RARS2: variants seen among roughly 807,000 people sequenced by gnomAD.
The protein encoded by RARS2 is arginyl-tRNA synthetase 2, mitochondrial.
RARS2 carries 67 observed loss-of-function variants against 88.5 expected under a neutral mutation model. The observed-to-expected ratio is 0.76, with a 90% CI of 0.62 to 0.93. The LOEUF (loss-of-function observed/expected upper bound fraction) is 0.93, where lower values mean the gene tolerates loss of function less well. Ranked by LOEUF, RARS2 falls within the 40% of genes least tolerant of loss-of-function variation. The pLI, the probability that RARS2 is intolerant of heterozygous loss-of-function variation, is 0.00. For missense variants in RARS2, 664 were observed against 684.2 expected (o/e 0.97, Z 0.33); for synonymous variants, 239 against 230.3 (o/e 1.04, Z -0.34).
intron 2 of RARS2, chr6:87,564,650 CAA>C (rs1562219416): frequency 3.6e-6 from 1 of 281,654 alleles, no homozygotes; most frequent in Admixed American, 4.8e-5. Flanking sequence ...GCCTGGGTGA[CAA>C]GAGCGAAACT....
intron 7 of RARS2, among the ~76,000 whole-genome samples, chr6:87,542,437 T>C (rs751148858): frequency 6.6e-6 from 1 of 152,186 alleles, no homozygotes; most frequent in Non-Finnish European, 1.5e-5. Flanking sequence ...CTTTTTAAAC[T>C]TGTAGGCATT....
At chr6:87,533,874 C>T (rs1054235845) in intron 8 of RARS2, among the ~76,000 whole-genome samples, 3 of 152,150 alleles carry the variant, frequency 2.0e-5, no homozygotes, top group African/African-American at 7.2e-5. Flanking sequence ...GCCACATGGG[C>T]ACAGTTTAAC....
chr6:87,521,537 G>A lies in RARS2; in HGVS notation c.975-13C>T, dbSNP rs373210619. On this transcript the variant is annotated splice_polypyrimidine_tract_variant and intron_variant, in intron 11 of 19. Transcript: ENST00000369536. ...AGCTGCAAGATCTCTGAAACAAAGT[G>A]GCCATAAACCAAGAGTTACTAAGCA... 4.4e-6 allele frequency: 7 copies of A among 1,609,190 alleles called. No homozygotes were observed. In the African/African-American group the frequency reaches 9.4e-5, roughly 22 times the overall value.
intron 8 of RARS2, among the ~76,000 whole-genome samples, chr6:87,532,211 T>A (rs1265550163): frequency 1.3e-5 from 2 of 151,032 alleles, no homozygotes; most frequent in Non-Finnish European, 2.9e-5. Context: ...AAGTTAAAAT[T>A]ACCTTTTTTT....
chr6:87,586,478 C>G (rs927433254), intron 1 of RARS2, among the ~76,000 whole-genome samples: 2 of 152,200 alleles, frequency 1.3e-5, no homozygotes, highest in African/African-American at 4.8e-5. Flanking sequence ...TTGTCTGACC[C>G]TTAGGAGCTT....
intron 10 of RARS2, among the ~76,000 whole-genome samples, chr6:87,526,403 G>C (rs1775719469): frequency 6.6e-6 from 1 of 152,024 alleles, no homozygotes. Flanking sequence ...TGTAATCCCA[G>C]CTACTTGGGA....
At position 87,530,945 on chromosome 6, in the gene RARS2, A is replaced by C. The variant is rs1777328886; in HGVS notation, c.613-3T>G. The C allele has an allele frequency of 6.2e-7, 1 of 1,613,914 alleles. No homozygotes were observed. Among genetic ancestry groups the C allele is most frequent in the South Asian group, 1.1e-5 (1 of 91,094 alleles). On this transcript the variant is annotated splice_polypyrimidine_tract_variant and splice_region_variant and intron_variant, in intron 8 of 19. Transcript: ENST00000369536. Reference sequence around the variant, plus strand: ...TCTTTATTAACTTGTACATAAACCTAAAAGTACAATAGTACATTAAATGAA... The same window carrying C: ...TCTTTATTAACTTGTACATAAACCTCAAAGTACAATAGTACATTAAATGAA...
chr6:87,587,480 T>C (rs1208317782), intron 1 of RARS2, among the ~76,000 whole-genome samples: 1 of 152,228 alleles, frequency 6.6e-6, no homozygotes, highest in Non-Finnish European at 1.5e-5. Flanking sequence ...TACACTGCTG[T>C]ATAAATCCAT....
chr6:87,575,072 T>TAG (rs5878037), intron 1 of RARS2, among the ~76,000 whole-genome samples: 92,173 of 151,514 alleles, frequency 0.61, 28,846 homozygotes, highest in African/African-American at 0.75. Context: ...GTCATAAGGA[T>TAG]AGAGACAAAA....
chr6:87,533,966 A>G (rs572342735), intron 8 of RARS2, among the ~76,000 whole-genome samples: 1 of 152,336 alleles, frequency 6.6e-6, no homozygotes, highest in African/African-American at 2.4e-5. Context: ...ATGGTTAGCA[A>G]AACTTAGAAA....
At chr6:87,530,696 A>G (rs1340439497) in intron 9 of RARS2, 88 bp downstream of exon 9, 1 of 1,522,982 alleles carries the variant, frequency 6.6e-7, no homozygotes, top group African/African-American at 1.4e-5. Flanking sequence ...TTTTTAAAAC[A>G]CAAGCTTAAC....
In RARS2 at chr6:87,564,613, G is replaced by A. The variant is rs1423185060; in HGVS notation, c.111-381C>T. ...GAATCCTGGAGGTGGAGACTGCAGC[G>A]AGTCAAGATTGTGCCACTGCACTCC... On this transcript the variant is annotated intron_variant, in intron 2 of 19. Coordinates refer to ENST00000369536, the MANE Select transcript of RARS2 (RefSeq NM_020320.5). 2.2e-5 allele frequency: 8 copies of A among 360,116 alleles called. No homozygotes were observed. In the East Asian group the frequency reaches 2.5e-4, roughly 11 times the overall value. 22.3% of individuals were successfully genotyped at this position (360,116 alleles called of 1,614,324 possible).
chr6:87,570,024 A>G (rs1769158323), intron 1 of RARS2, among the ~76,000 whole-genome samples: 1 of 152,196 alleles, frequency 6.6e-6, no homozygotes. Context: ...TATTAGGGAT[A>G]CAGCAGTGAA....
Position 87,516,828 on chromosome 6 carries a change from C to A in RARS2, c.1564G>T (p.Val522Phe). 1 of 1,613,656 alleles carries A rather than the reference C, an allele frequency of 6.2e-7. No homozygotes were observed. Among genetic ancestry groups the A allele is most frequent in the Non-Finnish European group, 8.5e-7 (1 of 1,179,754 alleles). ...TACCTTAAAGTTAGAAGGTAACTGA[C>A]GATATGCCTGGGTTGAAAGTCCTGA... ...SSQDFQPRHI[V>F]SYLLTLSHLA... The change falls in exon 18 of 20, where the codon GTC (valine) becomes TTC (phenylalanine). Residue 522 changes from valine (V) to phenylalanine (F), a missense_variant. Val to Phe is a conservative substitution (Grantham distance 50). Transcript: ENST00000369536.
At chr6:87,524,750 T>G in intron 10 of RARS2, 98 bp from the exon 11 acceptor site, 1 of 874,804 alleles carries the variant, frequency 1.1e-6, no homozygotes. Flanking sequence ...CTATTTTTAT[T>G]ACCCACGTTG....
At chr6:87,537,876 G>A (rs1779688662) in intron 8 of RARS2, among the ~76,000 whole-genome samples, 1 of 152,200 alleles carries the variant, frequency 6.6e-6, no homozygotes, top group African/African-American at 2.4e-5. Context: ...CTGGTGACCA[G>A]AAATAACGAT....
At chr6:87,540,250 C>G (rs1378675731) in intron 8 of RARS2, among the ~76,000 whole-genome samples, 1 of 151,500 alleles carries the variant, frequency 6.6e-6, no homozygotes, top group South Asian at 2.1e-4. Flanking sequence ...GAGTTCAAGA[C>G]CAGCCTGGAC....
Position 87,569,541 on chromosome 6 carries a change from GA to G in RARS2, c.85del (p.Ser29LeufsTer11). The G allele has an allele frequency of 6.2e-7, 1 of 1,604,660 alleles. No homozygotes were observed. The highest frequency in any genetic ancestry group is 8.5e-7 in the Non-Finnish European group (1 of 1,171,666). Reference sequence around the variant, plus strand: ...CTCTTTTTGGGAAATTGGAACTGCAGATATTGATGTGATCAAGTTTTCTGGT... The same window carrying G: ...CTCTTTTTGGGAAATTGGAACTGCAGTATTGATGTGATCAAGTTTTCTGGT... ...LPPENLITSI[S>X]AVPISQKEEV... On this transcript the variant is annotated frameshift_variant, in exon 2 of 20. Coordinates refer to ENST00000369536, the MANE Select transcript of RARS2 (RefSeq NM_020320.5). LOFTEE classifies it high-confidence loss of function.
At position 87,562,788 on chromosome 6, in the gene RARS2, G is replaced by A. The variant is rs1180275765; in HGVS notation, c.214-3C>T. The A allele has an allele frequency of 4.4e-6, 7 of 1,609,036 alleles. No individual in the cohort carries two copies. Among genetic ancestry groups the A allele is most frequent in the Non-Finnish European group, 6.0e-6 (7 of 1,175,600 alleles). On this transcript the variant is annotated splice_polypyrimidine_tract_variant and splice_region_variant and intron_variant, in intron 3 of 19. Coordinates refer to ENST00000369536, the MANE Select transcript of RARS2 (RefSeq NM_020320.5). The stretch of plus-strand genomic sequence containing the variant: ...CTCACCACTGTATCACATCTTAGCT[G>A]AAAAGAACAAATCACACAAAGTAGG...
Sources: allele counts gnomAD v4.1 joint callset (sites outside exome capture counted in the v4.1 genomes callset), GRCh38; gene constraint gnomAD v4.1.1; transcripts MANE v1.5; gene names NCBI Gene and HGNC (gene_info 2026-07-23, HGNC 2026-07-21).